The following RGS7BP variants were observed in gnomAD, a reference collection of about 807,000 sequenced individuals.
The protein encoded by RGS7BP is regulator of G protein signaling 7-binding protein.
Under a neutral mutation model 31.3 loss-of-function variants are expected in RGS7BP, and 9 were observed. That is an observed-to-expected ratio of 0.29 (90% confidence interval 0.17 to 0.50). The LOEUF (loss-of-function observed/expected upper bound fraction) is 0.50, where lower values mean the gene tolerates loss of function less well. RGS7BP is among the 20% of genes least tolerant of loss of function. The pLI, the probability that RGS7BP is intolerant of heterozygous loss-of-function variation, is 0.98. For missense variants in RGS7BP, 274 were observed against 322.0 expected, an observed-to-expected ratio of 0.85 and a Z score of 1.14; for synonymous variants, 115 against 120.1, an observed-to-expected ratio of 0.96 and a Z score of 0.28.
Position 64,610,464 on chromosome 5 carries a change from T to C in RGS7BP, c.*1212T>C, listed in dbSNP as rs1232297274. 1 of 151,952 alleles carries C rather than the reference T, an allele frequency of 6.6e-6. No homozygotes were observed. The highest frequency in any genetic ancestry group is 1.9e-4 in the East Asian group (1 of 5,166). The allele number at this position is 151,952 out of a possible 1,614,324, so 9.4% of individuals were successfully genotyped here. A position where few individuals can be genotyped will look rare whatever the true frequency, so the allele number is the denominator to read the frequency against. The stretch of plus-strand genomic sequence containing the variant: ...ACAGAATTTCCCATGGGTTGAGAGA[T>C]CAAGTCTTTGCACTTTTTTTCTTGT... On this transcript the variant is annotated 3_prime_UTR_variant, in exon 6 of 6. Coordinates refer to ENST00000334025, the MANE Select transcript of RGS7BP (RefSeq NM_001029875.3).
At chr5:64,550,445 T>A (rs1329263531) in intron 2 of RGS7BP, among the ~76,000 whole-genome samples, 1 of 152,188 alleles carries the variant, frequency 6.6e-6, no homozygotes, top group African/African-American at 2.4e-5. Context: ...TGACCTCATC[T>A]AACCCTCATC....
At chr5:64,536,325 G>A (rs1741358181) in intron 2 of RGS7BP, among the ~76,000 whole-genome samples, 1 of 152,100 alleles carries the variant, frequency 6.6e-6, no homozygotes, top group Non-Finnish European at 1.5e-5. Flanking sequence ...ATTCTGAGAG[G>A]GACTATGTGA....
At chr5:64,566,353 T>G (rs1742168709) in intron 2 of RGS7BP, among the ~76,000 whole-genome samples, 2 of 152,008 alleles carry the variant, frequency 1.3e-5, no homozygotes, top group South Asian at 4.1e-4. Context: ...AAGAACATCT[T>G]GTAAGTTAGG....
At chr5:64,591,056 C>T (rs1016156711) in intron 3 of RGS7BP, among the ~76,000 whole-genome samples, 15 of 152,010 alleles carry the variant, frequency 9.9e-5, no homozygotes, top group African/African-American at 3.6e-4. Context: ...AGATGAACAG[C>T]TTTGACTATA....
intron 2 of RGS7BP, among the ~76,000 whole-genome samples, chr5:64,558,872 C>G (rs1290611690): frequency 6.6e-6 from 1 of 152,194 alleles, no homozygotes; most frequent in Non-Finnish European, 1.5e-5. Flanking sequence ...ATGAAACATG[C>G]CCTGGCCTCC....
intron 3 of RGS7BP, among the ~76,000 whole-genome samples, chr5:64,581,394 T>A (rs948961000): frequency 2.4e-4 from 36 of 152,188 alleles, no homozygotes; most frequent in Non-Finnish European, 1.0e-4. Flanking sequence ...CAATTTTTCA[T>A]TAGGATGAGA....
At chr5:64,607,574 G>A (rs1313408338) in intron 5 of RGS7BP, among the ~76,000 whole-genome samples, 2 of 152,028 alleles carry the variant, frequency 1.3e-5, no homozygotes, top group Non-Finnish European at 2.9e-5. Context: ...AAATGTCTGG[G>A]TTATTATGAT....
Position 64,506,767 on chromosome 5 carries a change from G to C in RGS7BP, c.143G>C (p.Arg48Pro). The C allele has an allele frequency of 6.2e-7, 1 of 1,602,928 alleles. No homozygotes were observed. The highest frequency in any genetic ancestry group is 8.5e-7 in the Non-Finnish European group (1 of 1,171,502). Residue 48 changes from arginine (R) to proline (P), a missense_variant, in exon 1 of 6, where the codon CGA (arginine) becomes CCA (proline). Arg to Pro is a moderately radical substitution (Grantham distance 103). This residue lies in a region of RGS7BP where 149 missense variants were observed against 152.6 expected (regional missense o/e 0.98). Coordinates refer to ENST00000334025, the MANE Select transcript of RGS7BP (RefSeq NM_001029875.3). The surrounding 1 kb of genome is among the most constrained non-coding windows in gnomAD (Gnocchi z 4.6). ...TCCGAGAGCGCCCACAAAACCCAAC[G>C]AGCCCTGGACGACTGCAAGATGGTG... ...SGSESAHKTQ[R>P]ALDDCKMLVQ...
intron 5 of RGS7BP, among the ~76,000 whole-genome samples, chr5:64,599,975 T>C (rs771511335): frequency 1.3e-5 from 2 of 152,220 alleles, no homozygotes; most frequent in Admixed American, 6.5e-5. Context: ...ATTATTGTTG[T>C]CACTGTTATT....
chr5:64,537,160 G>C (rs948978934), intron 2 of RGS7BP, among the ~76,000 whole-genome samples: 1 of 152,204 alleles, frequency 6.6e-6, no homozygotes, highest in Non-Finnish European at 1.5e-5. Flanking sequence ...CAAAGAGAAG[G>C]TCTTAGTCCA....
At chr5:64,573,092 G>T (rs1459043412) in intron 2 of RGS7BP, among the ~76,000 whole-genome samples, 1 of 150,258 alleles carries the variant, frequency 6.7e-6, no homozygotes, top group Non-Finnish European at 1.5e-5. Context: ...TCTTGTGATA[G>T]TTTACTGAGA....
intron 2 of RGS7BP, among the ~76,000 whole-genome samples, chr5:64,541,026 TAAAG>T (rs916213898): frequency 1.3e-5 from 2 of 152,248 alleles, no homozygotes; most frequent in African/African-American, 4.8e-5. Flanking sequence ...TGCATTGCTA[TAAAG>T]AAATACCTGA....
intron 3 of RGS7BP, among the ~76,000 whole-genome samples, chr5:64,588,910 GA>G (rs1742832394): frequency 1.3e-5 from 2 of 152,052 alleles, no homozygotes; most frequent in African/African-American, 4.8e-5. Flanking sequence ...AAGAAAAATA[GA>G]AAACAATTCC....
At chr5:64,569,029 A>C (rs1742240986) in intron 2 of RGS7BP, among the ~76,000 whole-genome samples, 1 of 152,144 alleles carries the variant, frequency 6.6e-6, no homozygotes, top group African/African-American at 2.4e-5. Flanking sequence ...GTTGCTTTAT[A>C]TATAGGTCCC....
intron 2 of RGS7BP, among the ~76,000 whole-genome samples, chr5:64,565,969 C>G (rs1176223745): frequency 6.6e-6 from 1 of 151,950 alleles, no homozygotes; most frequent in African/African-American, 2.4e-5. Context: ...CAATAACACT[C>G]CAGGATCCAA....
chr5:64,521,445 CG>C (rs1297309230), intron 2 of RGS7BP, among the ~76,000 whole-genome samples: 33 of 152,028 alleles, frequency 2.2e-4, no homozygotes, highest in Non-Finnish European at 4.3e-4. Context: ...TTAGTAGAGA[CG>C]GGGTTTCACC....
chr5:64,562,840 T>G (rs942601730), intron 2 of RGS7BP, among the ~76,000 whole-genome samples: 2 of 152,168 alleles, frequency 1.3e-5, no homozygotes, highest in African/African-American at 4.8e-5. Flanking sequence ...TTGATCCATT[T>G]CAACAAACAT....
Position 64,610,524 on chromosome 5 carries a change from G to C in RGS7BP, c.*1272G>C, listed in dbSNP as rs941148028. 6.6e-6 allele frequency: 1 copy of C among 151,906 alleles called. No individual in the cohort carries two copies. Among genetic ancestry groups the C allele is most frequent in the Non-Finnish European group, 1.5e-5 (1 of 67,906 alleles). The allele number at this position is 151,906 out of a possible 1,614,324, so 9.4% of individuals were successfully genotyped here. A position where few individuals can be genotyped will look rare whatever the true frequency, so the allele number is the denominator to read the frequency against. ...TCTGAAAAACCTTCAAGTCAGACAG[G>C]AGGCACCAGTGTCCAGTACAATAGA... is the stretch of plus-strand genomic sequence containing the variant. On this transcript the variant is annotated 3_prime_UTR_variant, in exon 6 of 6. Coordinates refer to ENST00000334025, the MANE Select transcript of RGS7BP (RefSeq NM_001029875.3).
At chr5:64,573,165 T>C (rs568342822) in intron 2 of RGS7BP, among the ~76,000 whole-genome samples, 1 of 152,000 alleles carries the variant, frequency 6.6e-6, no homozygotes, top group East Asian at 1.9e-4. Flanking sequence ...TTTTTATGGC[T>C]TCATAGTATT....
Sources: allele counts gnomAD v4.1 joint callset (sites outside exome capture counted in the v4.1 genomes callset), GRCh38; gene constraint gnomAD v4.1.1; regional missense constraint gnomAD v4.1.1; non-coding constraint Gnocchi (gnomAD v3.1); transcripts MANE v1.5; gene names NCBI Gene and HGNC (gene_info 2026-07-23, HGNC 2026-07-21).